GABRG2: variants seen among roughly 807,000 people sequenced by gnomAD.
The protein encoded by GABRG2 is gamma-aminobutyric acid type A receptor subunit gamma2, also known as gamma-aminobutyric acid receptor subunit gamma-2.
A neutral mutation model predicts 56.4 loss-of-function variants in GABRG2; 16 were observed. That is an observed-to-expected ratio of 0.28 (90% CI 0.19 to 0.43). GABRG2 has a LOEUF of 0.43. Among genes scored for constraint, GABRG2 ranks in the 20% least tolerant of loss-of-function variants. The pLI is 1.00. For synonymous variants in GABRG2, 208 were observed against 205.5 expected (o/e 1.01, Z -0.10); for missense variants, 327 against 582.7 (o/e 0.56, Z 4.52).
Position 162,154,884 on chromosome 5 carries a change from A to G in GABRG2, c.*1516A>G, listed in dbSNP as rs745348234. On this transcript the variant is annotated 3_prime_UTR_variant, in exon 10 of 10. Transcript: ENST00000639213. ...TTGAGCCAATGACTGTGGCCTCATT[A>G]GATTACATTGTAGTTAAACAAAGCA... 9.2e-5 allele frequency: 14 copies of G among 152,128 alleles called. No homozygotes were observed. The highest frequency in any genetic ancestry group is 1.3e-4 in the Admixed American group (2 of 15,236). The allele number at this position is 152,128 out of a possible 1,614,324, so 9.4% of individuals were successfully genotyped here.
At chr5:162,088,108 A>G (rs924334868) in intron 1 of GABRG2, among the ~76,000 whole-genome samples, 4 of 152,070 alleles carry the variant, frequency 2.6e-5, no homozygotes, top group African/African-American at 9.7e-5. Context: ...CCTTACTGGG[A>G]GGAATAAAAT....
intron 6 of GABRG2, among the ~76,000 whole-genome samples, chr5:162,130,059 T>A (rs1317991160): frequency 3.3e-5 from 5 of 151,938 alleles, no homozygotes; most frequent in African/African-American, 1.2e-4. Context: ...TTCAGAGAAG[T>A]TGAGCTTTTT....
At chr5:162,097,936 A>AGG in intron 4 of GABRG2, 78 bp downstream of exon 4, 1 of 1,267,852 alleles carries the variant, frequency 7.9e-7, no homozygotes. Context: ...AAGTCTCTAA[A>AGG]AGAAAAAAAA....
chr5:162,135,119 C>T (rs771616073), intron 6 of GABRG2, among the ~76,000 whole-genome samples: 1 of 152,130 alleles, frequency 6.6e-6, no homozygotes, highest in Non-Finnish European at 1.5e-5. Flanking sequence ...CCCATTTGTT[C>T]TCTTCTTTCA....
intron 4 of GABRG2, chr5:162,099,630 A>C (rs957957173): frequency 1.3e-5 from 2 of 152,202 alleles, no homozygotes; most frequent in African/African-American, 4.8e-5. Context: ...AGCTCAGTCC[A>C]GCTTTTGAAA....
In GABRG2 at chr5:162,151,840, G is replaced by C. The variant is rs1308199979; in HGVS notation, c.1152+87G>C. 9 of 1,206,998 alleles carry C rather than the reference G, an allele frequency of 7.5e-6. No homozygotes were observed. In the African/African-American group the frequency reaches 1.4e-4, roughly 18 times the overall value. The allele number at this position is 1,206,998 out of a possible 1,614,324, so 74.8% of individuals were successfully genotyped here. ...TACATGGTGTTTTATTTTGTTTTAT[G>C]AGTAGACATTTAAGCATTCTACTAG... On this transcript the variant is annotated intron_variant, in intron 9 of 9. Coordinates refer to ENST00000639213, the MANE Select transcript of GABRG2 (RefSeq NM_198904.4).
chr5:162,091,072 G>T (rs1228193879), intron 1 of GABRG2, among the ~76,000 whole-genome samples: 1 of 151,976 alleles, frequency 6.6e-6, no homozygotes, highest in African/African-American at 2.4e-5. Flanking sequence ...CTTTAATTTA[G>T]ACCTCAGCTA....
rs1765538192 is a variant in GABRG2, at chr5:162,153,751, C to T, written c.*383C>T. On this transcript the variant is annotated 3_prime_UTR_variant, in exon 10 of 10. Coordinates refer to ENST00000639213, the MANE Select transcript of GABRG2 (RefSeq NM_198904.4). ...TCCAAAACTGTACCCTATGTTCACTCCGGGTCAAGTTGTGATAAATTTGAT... is the reference window on the plus strand; with the variant it reads ...TCCAAAACTGTACCCTATGTTCACTTCGGGTCAAGTTGTGATAAATTTGAT... 5 of 244,958 alleles carry T rather than the reference C, an allele frequency of 2.0e-5. No individual in the cohort carries two copies. In the South Asian group the frequency reaches 3.1e-4, roughly 15 times the overall value. 15.2% of individuals were successfully genotyped at this position (244,958 alleles called of 1,614,324 possible).
chr5:162,094,259 A>AG, intron 2 of GABRG2: 1 of 427,814 alleles, frequency 2.3e-6, no homozygotes, highest in Non-Finnish European at 4.3e-6. Flanking sequence ...GAAAAAAAAA[A>AG]CAATGACCCC....
chr5:162,144,364 T>C (rs1764799589), intron 7 of GABRG2, among the ~76,000 whole-genome samples: 1 of 152,190 alleles, frequency 6.6e-6, no homozygotes, highest in Non-Finnish European at 1.5e-5. Flanking sequence ...GGCCAAAATC[T>C]CTCTCATGAC....
intron 1 of GABRG2, among the ~76,000 whole-genome samples, chr5:162,079,618 A>G (rs901697616): frequency 7.9e-5 from 12 of 151,780 alleles, no homozygotes; most frequent in African/African-American, 2.9e-4. Context: ...GCATAATTTA[A>G]AAAAATAATA....
chr5:162,133,784 G>T lies in GABRG2; in HGVS notation c.770-8380G>T, dbSNP rs186896358. Among the ~76,000 whole-genome samples, 569 of 152,154 alleles carry T rather than the reference G, an allele frequency of 3.7e-3. 2 individuals are homozygous for T. Among genetic ancestry groups the T allele is most frequent in the African/African-American group, 0.012 (503 of 41,544 alleles). On this transcript the variant is annotated intron_variant, in intron 6 of 9. Transcript: ENST00000639213. ...CTAGTAAAGGAAGGCAGAAAACTGG[G>T]ATATCAGCAAAGACCTAGCTCCATG...
chr5:162,130,740 T>C (rs1763683567), intron 6 of GABRG2, among the ~76,000 whole-genome samples: 1 of 151,968 alleles, frequency 6.6e-6, no homozygotes, highest in African/African-American at 2.4e-5. Flanking sequence ...CCTTGGTTTG[T>C]AGGATTCGTT....
At chr5:162,089,190 A>ACAGTTACATG (rs571027781) in intron 1 of GABRG2, among the ~76,000 whole-genome samples, 80 of 152,182 alleles carry the variant, frequency 5.3e-4, no homozygotes, top group African/African-American at 1.9e-3. Flanking sequence ...GGCAGAAAGG[A>ACAGTTACATG]CAGTTACATG....
At chr5:162,133,717 T>C (rs1012563172) in intron 6 of GABRG2, among the ~76,000 whole-genome samples, 1 of 152,098 alleles carries the variant, frequency 6.6e-6, no homozygotes. Flanking sequence ...GGTAGCTTTT[T>C]TGGAGGGTGA....
intron 1 of GABRG2, among the ~76,000 whole-genome samples, chr5:162,090,515 T>C (rs958704963): frequency 2.6e-5 from 4 of 152,228 alleles, no homozygotes; most frequent in Middle Eastern, 3.4e-3. Flanking sequence ...CAAGCTCCCA[T>C]GCAATGTTGC....
chr5:162,071,531 T>G (rs1173952069), intron 1 of GABRG2, among the ~76,000 whole-genome samples: 3 of 151,966 alleles, frequency 2.0e-5, no homozygotes, highest in Non-Finnish European at 2.9e-5. Context: ...TTTATACATA[T>G]TTTCTATTTT....
intron 7 of GABRG2, 29 bp from the exon 8 acceptor site, chr5:162,149,079 A>G (rs1765169309): frequency 1.2e-6 from 2 of 1,605,276 alleles, no homozygotes; most frequent in African/African-American, 1.3e-5. Context: ...ATGCAATCAC[A>G]TGACCTGTAT....
intron 6 of GABRG2, among the ~76,000 whole-genome samples, chr5:162,126,865 T>A (rs956349372): frequency 6.6e-6 from 1 of 152,010 alleles, no homozygotes; most frequent in African/African-American, 2.4e-5. Flanking sequence ...TGGAACTCTC[T>A]TATTTATCCT....
Sources: gnomAD v4.1 joint callset for allele counts (sites outside exome capture counted in the v4.1 genomes callset) on GRCh38, gnomAD v4.1.1 for gene constraint, MANE v1.5 for transcripts, NCBI Gene and HGNC (gene_info 2026-07-23, HGNC 2026-07-21) for gene names.